TAFA2: variants seen among roughly 807,000 people sequenced by gnomAD.
The protein encoded by TAFA2 is TAFA chemokine like family member 2.
TAFA2 carries 7 observed loss-of-function variants against 18.8 expected under a neutral mutation model. The ratio of observed to expected loss-of-function variants is 0.37; its 90% CI spans 0.21 to 0.70. TAFA2 has a LOEUF of 0.70. TAFA2 is among the 30% of genes least tolerant of loss of function. The probability of loss-of-function intolerance (pLI) is 0.53; values close to 1 mark genes in which losing one functional copy is unlikely to be tolerated. For synonymous variants in TAFA2, 60 were observed against 54.2 expected, an observed-to-expected ratio of 1.11 and a Z score of -0.47; for missense variants, 122 against 158.1, an observed-to-expected ratio of 0.77 and a Z score of 1.23.
intron 1 of TAFA2, among the ~76,000 whole-genome samples, chr12:61,873,200 GT>G (rs1874695055): frequency 6.6e-6 from 1 of 152,080 alleles, no homozygotes; most frequent in African/African-American, 2.4e-5. Context: ...GTACATATTG[GT>G]GGAGCAATAG....
At chr12:61,714,291 C>T (rs1002344629) in intron 4 of TAFA2, among the ~76,000 whole-genome samples, 14 of 152,182 alleles carry the variant, frequency 9.2e-5, no homozygotes, top group African/African-American at 2.9e-4. Flanking sequence ...TTCTTTTTTA[C>T]GCAAATCTTA....
In TAFA2 at chr12:62,120,638, G is replaced by T. The variant is rs1345159598; in HGVS notation, c.-2+70621C>A. ...CAGCCTACTCAGTTACTTGGCTTTA[G>T]GTTTCCAGCTGACCCAACAGCATGA... On this transcript the variant is annotated intron_variant, in intron 1 of 4. Coordinates refer to ENST00000416284, the MANE Select transcript of TAFA2 (RefSeq NM_178539.5). Among the ~76,000 whole-genome samples the T allele has an allele frequency of 2.0e-5, 3 of 152,190 alleles. No individual in the cohort carries two copies. In the East Asian group the frequency reaches 5.8e-4, roughly 29 times the overall value.
intron 1 of TAFA2, among the ~76,000 whole-genome samples, chr12:62,056,529 G>A (rs1303800003): frequency 1.3e-5 from 2 of 152,104 alleles, no homozygotes; most frequent in African/African-American, 4.8e-5. Context: ...CAGTGACCTG[G>A]AGGCCTGAAG....
intron 1 of TAFA2, among the ~76,000 whole-genome samples, chr12:62,158,084 A>G (rs2062383971): frequency 6.6e-6 from 1 of 152,136 alleles, no homozygotes; most frequent in Admixed American, 6.5e-5. Context: ...ACTTTTCTGG[A>G]AAAAAAGTCA....
At chr12:61,881,969 T>A (rs1355971626) in intron 1 of TAFA2, among the ~76,000 whole-genome samples, 1 of 152,036 alleles carries the variant, frequency 6.6e-6, no homozygotes, top group Admixed American at 6.5e-5. Context: ...AAAATCTTGG[T>A]TATCTTCTCT....
chr12:62,052,779 G>A (rs1882090845), intron 1 of TAFA2, among the ~76,000 whole-genome samples: 1 of 152,134 alleles, frequency 6.6e-6, no homozygotes, highest in Non-Finnish European at 1.5e-5. Context: ...GATTTGTGGA[G>A]ATATTAGCCA....
intron 1 of TAFA2, among the ~76,000 whole-genome samples, chr12:62,226,477 G>A (rs1479374693): frequency 1.2e-4 from 18 of 152,100 alleles, no homozygotes; most frequent in Admixed American, 7.2e-4. Flanking sequence ...GATTACAGGC[G>A]TGAGCCACCG....
intron 4 of TAFA2, among the ~76,000 whole-genome samples, chr12:61,738,787 G>C (rs191841795): frequency 3.7e-4 from 57 of 152,180 alleles, no homozygotes; most frequent in African/African-American, 1.3e-3. Flanking sequence ...TTCTAAAAGA[G>C]ACAGACCAAC....
At chr12:61,828,182 G>T (rs1252936474) in intron 2 of TAFA2, among the ~76,000 whole-genome samples, 2 of 151,764 alleles carry the variant, frequency 1.3e-5, no homozygotes, top group East Asian at 3.9e-4. Context: ...CCTTTTTAGT[G>T]TATCATGTAT....
intron 2 of TAFA2, among the ~76,000 whole-genome samples, chr12:61,846,058 AT>A (rs1873391256): frequency 6.6e-6 from 1 of 152,166 alleles, no homozygotes; most frequent in Admixed American, 6.5e-5. Flanking sequence ...TGAAATAAAA[AT>A]ACTATATTTT....
intron 1 of TAFA2, among the ~76,000 whole-genome samples, chr12:62,219,299 A>C (rs1413614119): frequency 1.3e-5 from 2 of 152,180 alleles, no homozygotes; most frequent in African/African-American, 4.8e-5. Context: ...ACTGTAAATG[A>C]AATCATAGGT....
Position 62,144,092 on chromosome 12 carries a change from T to A in TAFA2, c.-2+47167A>T, listed in dbSNP as rs184216793. 4.7e-5 allele frequency among the ~76,000 whole-genome samples: 7 copies of A among 148,472 alleles called. No individual in the cohort carries two copies. In the East Asian group the frequency reaches 1.4e-3, roughly 29 times the overall value. The stretch of plus-strand genomic sequence containing the variant: ...AAAAAGTCCTAAAACTCTCATACGA[T>A]GACCATAGAGTTGATAGTTTTCCTT... On this transcript the variant is annotated intron_variant, in intron 1 of 4. Transcript: ENST00000416284.
chr12:61,950,004 T>C (rs1878411291), intron 1 of TAFA2, among the ~76,000 whole-genome samples: 1 of 152,184 alleles, frequency 6.6e-6, no homozygotes, highest in Non-Finnish European at 1.5e-5. Flanking sequence ...TTCATATAAG[T>C]GGAATCATAC....
intron 2 of TAFA2, among the ~76,000 whole-genome samples, chr12:61,821,851 G>A (rs1489367124): frequency 6.6e-6 from 1 of 152,090 alleles, no homozygotes; most frequent in African/African-American, 2.4e-5. Context: ...TTTTATTCCT[G>A]TAGAGTTTTT....
chr12:62,153,168 T>A (rs1217810184), intron 1 of TAFA2, among the ~76,000 whole-genome samples: 1 of 152,186 alleles, frequency 6.6e-6, no homozygotes, highest in Non-Finnish European at 1.5e-5. Context: ...CTGTGGAAAG[T>A]AAGGTGGTGA....
chr12:61,755,805 CATCAT>C (rs1412954833), intron 2 of TAFA2, among the ~76,000 whole-genome samples: 1 of 152,018 alleles, frequency 6.6e-6, no homozygotes, highest in Non-Finnish European at 1.5e-5. Context: ...GGACCTTACT[CATCAT>C]ATTATGATAA....
chr12:62,121,412 G>A (rs1870190406), intron 1 of TAFA2, among the ~76,000 whole-genome samples: 1 of 152,144 alleles, frequency 6.6e-6, no homozygotes, highest in Non-Finnish European at 1.5e-5. Flanking sequence ...TTGAGCCAGT[G>A]ATTCAACTTT....
intron 1 of TAFA2, among the ~76,000 whole-genome samples, chr12:61,999,526 A>G (rs972262947): frequency 7.9e-5 from 12 of 152,180 alleles, no homozygotes; most frequent in Non-Finnish European, 1.5e-4. Context: ...TTGTTGGTGA[A>G]TTGACAAATC....
At chr12:61,735,154 T>A (rs1868282729) in intron 4 of TAFA2, among the ~76,000 whole-genome samples, 1 of 152,098 alleles carries the variant, frequency 6.6e-6, no homozygotes, top group Non-Finnish European at 1.5e-5. Context: ...TGTGGTTTCC[T>A]CCTGAGGAAT....
Sources: allele counts gnomAD v4.1 joint callset (sites outside exome capture counted in the v4.1 genomes callset), GRCh38; gene constraint gnomAD v4.1.1; transcripts MANE v1.5; gene names NCBI Gene and HGNC (gene_info 2026-07-23, HGNC 2026-07-21).